Variants in PLCB1 observed in about 807,000 individuals in gnomAD.
PLCB1 encodes the protein phospholipase C beta 1.
A neutral mutation model predicts 161.8 loss-of-function variants in PLCB1; 46 were observed. That is an observed-to-expected ratio of 0.28 (90% CI 0.22 to 0.36). The LOEUF (loss-of-function observed/expected upper bound fraction) is 0.36, where lower values mean the gene tolerates loss of function less well. PLCB1 is among the 10% of genes least tolerant of loss of function. PLCB1 has a pLI of 1.00. For synonymous variants in PLCB1, 517 were observed against 503.7 expected, an observed-to-expected ratio of 1.03 and a Z score of -0.35; for missense variants, 1,016 against 1,472.5, an observed-to-expected ratio of 0.69 and a Z score of 5.07.
At chr20:8,231,197 G>C (rs928599900) in intron 2 of PLCB1, among the ~76,000 whole-genome samples, 2 of 152,088 alleles carry the variant, frequency 1.3e-5, no homozygotes, top group African/African-American at 4.8e-5. Context: ...TGCTTTTGCT[G>C]TTGATTTATT....
At chr20:8,164,045 C>G (rs1322775297) in intron 2 of PLCB1, among the ~76,000 whole-genome samples, 3 of 152,156 alleles carry the variant, frequency 2.0e-5, no homozygotes, top group African/African-American at 7.2e-5. Context: ...CAATTATGCT[C>G]CAATCCCAAT....
chr20:8,844,070 A>G (rs11087826), intron 31 of PLCB1, among the ~76,000 whole-genome samples: 50,077 of 152,124 alleles, frequency 0.33, 9,062 homozygotes, highest in East Asian at 0.63. Flanking sequence ...TTAAGGCAAA[A>G]CTCACTGTTA....
At chr20:8,294,134 A>G (rs907589299) in intron 2 of PLCB1, among the ~76,000 whole-genome samples, 1 of 152,206 alleles carries the variant, frequency 6.6e-6, no homozygotes, top group Non-Finnish European at 1.5e-5. Flanking sequence ...GACCTAAATT[A>G]TATATTTAGA....
intron 2 of PLCB1, among the ~76,000 whole-genome samples, chr20:8,273,070 T>C (rs943083045): frequency 6.6e-6 from 1 of 152,162 alleles, no homozygotes; most frequent in Admixed American, 6.6e-5. Flanking sequence ...TACAGACTGA[T>C]GCAATAATAA....
intron 9 of PLCB1, among the ~76,000 whole-genome samples, chr20:8,669,364 G>A (rs1360329452): frequency 6.6e-6 from 1 of 152,174 alleles, no homozygotes; most frequent in Non-Finnish European, 1.5e-5. Flanking sequence ...CCTCAGACAA[G>A]TCTTCAAGTG....
intron 31 of PLCB1, among the ~76,000 whole-genome samples, chr20:8,866,656 T>C (rs1987438630): frequency 1.3e-5 from 2 of 152,130 alleles, no homozygotes; most frequent in South Asian, 4.1e-4. Flanking sequence ...GAAGAACGGG[T>C]GTCTGCTGTC....
At chr20:8,483,957 G>A (rs1294457143) in intron 3 of PLCB1, among the ~76,000 whole-genome samples, 1 of 152,180 alleles carries the variant, frequency 6.6e-6, no homozygotes, top group Non-Finnish European at 1.5e-5. Flanking sequence ...CAGCTAAGCT[G>A]GCTCATACCT....
At chr20:8,666,621 A>G (rs1989818426) in intron 9 of PLCB1, among the ~76,000 whole-genome samples, 1 of 152,216 alleles carries the variant, frequency 6.6e-6, no homozygotes, top group African/African-American at 2.4e-5. Context: ...TGTTGGGACC[A>G]AGACCATGTT....
Position 8,340,713 on chromosome 20 carries a change from C to T in PLCB1, c.178-30669C>T, listed in dbSNP as rs182790738. On this transcript the variant is annotated intron_variant, in intron 2 of 31. Transcript: ENST00000338037. The stretch of plus-strand genomic sequence containing the variant: ...TGCTGGGATTACAGGCGTGAGCCAC[C>T]GCGCCCGGCCAAATTCTAGTTTTAA... Among the ~76,000 whole-genome samples, 982 of 152,250 alleles carry T rather than the reference C, an allele frequency of 6.4e-3. 5 individuals carry two copies. The highest frequency in any genetic ancestry group is 8.7e-3 in the Non-Finnish European group (592 of 68,016).
intron 3 of PLCB1, among the ~76,000 whole-genome samples, chr20:8,610,844 A>G (rs551376200): frequency 6.6e-6 from 1 of 152,208 alleles, no homozygotes; most frequent in Non-Finnish European, 1.5e-5. Flanking sequence ...TTTAGCTCTT[A>G]CATTTAGGTC....
At chr20:8,793,495 A>T (rs4300916) in intron 31 of PLCB1, among the ~76,000 whole-genome samples, 98,517 of 151,952 alleles carry the variant, frequency 0.65, 32,164 homozygotes, top group East Asian at 0.85. Flanking sequence ...GAGAAATTTT[A>T]AGGCTGGGTG....
At chr20:8,268,754 A>C (rs547661823) in intron 2 of PLCB1, among the ~76,000 whole-genome samples, 1 of 152,172 alleles carries the variant, frequency 6.6e-6, no homozygotes, top group Admixed American at 6.5e-5. Context: ...TGTTGGCTGC[A>C]TAAATGTCTT....
chr20:8,713,704 C>A (rs924318061), intron 12 of PLCB1, among the ~76,000 whole-genome samples: 1 of 152,156 alleles, frequency 6.6e-6, no homozygotes, highest in East Asian at 1.9e-4. Context: ...TTATTAACCA[C>A]CTGCATCAGA....
chr20:8,523,465 G>GCTCTCTCTCTCT (rs1174973173), intron 3 of PLCB1, among the ~76,000 whole-genome samples: 48 of 48,790 alleles, frequency 9.8e-4, no homozygotes, highest in South Asian at 1.4e-3. Flanking sequence ...TATATATTTG[G>GCTCTCTCTCTCT]CTCTCTCTCT....
intron 2 of PLCB1, among the ~76,000 whole-genome samples, chr20:8,195,426 C>T (rs1032958331): frequency 6.6e-6 from 1 of 151,952 alleles, no homozygotes; most frequent in Non-Finnish European, 1.5e-5. Context: ...ACTCCCTTGC[C>T]CATCAGCCAG....
rs1988000824 is a variant in PLCB1 at position 8,881,759 on chromosome 20, C to T, written c.3561C>T (p.Ser1187=). The change falls in exon 32 of 32, where the codon TCC becomes TCT. Residue 1187 remains serine (S), a synonymous_variant. Transcript: ENST00000338037. ...SNHGSAPLSL[S]SDPGKVNHKT... ...ACGGTTCTGCCCCTCTCTCCCTGTC[C>T]TCAGACCCTGGAAAAGTGAACCACA... 9.9e-6 allele frequency: 16 copies of T among 1,614,058 alleles called. No homozygotes were observed. Among genetic ancestry groups the T allele is most frequent in the Non-Finnish European group, 1.4e-5 (16 of 1,179,956 alleles).
intron 31 of PLCB1, among the ~76,000 whole-genome samples, chr20:8,810,572 T>C (rs1984766846): frequency 6.6e-6 from 1 of 152,172 alleles, no homozygotes; most frequent in Non-Finnish European, 1.5e-5. Flanking sequence ...CCATTTACAG[T>C]CAATTTAGAT....
At chr20:8,411,877 G>A (rs1340225560) in intron 3 of PLCB1, among the ~76,000 whole-genome samples, 1 of 152,064 alleles carries the variant, frequency 6.6e-6, no homozygotes, top group South Asian at 2.1e-4. Context: ...CAAAAAATTA[G>A]CCAGGTGTGG....
intron 26 of PLCB1, among the ~76,000 whole-genome samples, chr20:8,768,232 A>G (rs1052927907): frequency 2.6e-5 from 4 of 152,162 alleles, no homozygotes; most frequent in African/African-American, 9.7e-5. Flanking sequence ...CGCTCTCTGA[A>G]AAGTCTAGGG....
Sources: allele counts gnomAD v4.1 joint callset (sites outside exome capture counted in the v4.1 genomes callset), GRCh38; gene constraint gnomAD v4.1.1; transcripts MANE v1.5; gene names NCBI Gene and HGNC (gene_info 2026-07-23, HGNC 2026-07-21).